MITF: variants seen among roughly 807,000 people sequenced by gnomAD.
MITF encodes microphthalmia-associated transcription factor.
Under a neutral mutation model 60.5 loss-of-function variants are expected in MITF, and 17 were observed. That is an observed-to-expected ratio of 0.28 (90% CI 0.19 to 0.42). The LOEUF (loss-of-function observed/expected upper bound fraction) is 0.42, where lower values mean the gene tolerates loss of function less well. MITF is among the 10% of genes least tolerant of loss of function. MITF has a pLI of 1.00. For synonymous variants in MITF, 260 were observed against 248.5 expected (o/e 1.05, Z -0.43); for missense variants, 622 against 683.5 (o/e 0.91, Z 1.00).
intron 1 of MITF, among the ~76,000 whole-genome samples, chr3:69,862,065 A>T (rs1184359258): frequency 6.6e-6 from 1 of 151,152 alleles, no homozygotes; most frequent in Non-Finnish European, 1.5e-5. Context: ...TATATATATT[A>T]TAATGTTATA....
At position 69,956,485 on chromosome 3, in the gene MITF, A is replaced by G. The variant is rs141077757; in HGVS notation, c.986A>G (p.Asp329Gly). Residue 329 changes from aspartate (D) to glycine (G), a missense_variant, in exon 8 of 10, where the codon GAC becomes GGC. Around this residue, in one of 5 missense-constraint regions of MITF, gnomAD observed 31 missense variants for 74.8 expected, o/e 0.41. Transcript: ENST00000352241. ...CGAAGAAGAAGATTTAACATAAATG[A>G]CCGCATTAAAGAACTAGGTACTTTG... is the stretch of plus-strand genomic sequence containing the variant. ...IERRRRFNIN[D>G]RIKELGTLIP... The G allele has an allele frequency of 5.6e-6, 9 of 1,613,690 alleles. No individual in the cohort carries two copies. Among genetic ancestry groups the G allele is most frequent in the African/African-American group, 2.7e-5 (2 of 74,908 alleles).
chr3:69,907,860 A>G (rs2065134324), intron 2 of MITF, among the ~76,000 whole-genome samples: 1 of 152,204 alleles, frequency 6.6e-6, no homozygotes, highest in East Asian at 1.9e-4. Flanking sequence ...AGAAAATCAT[A>G]TTCTGCTGGG....
intron 1 of MITF, among the ~76,000 whole-genome samples, chr3:69,876,876 T>C (rs1325575427): frequency 2.6e-5 from 4 of 152,190 alleles, no homozygotes; most frequent in African/African-American, 9.6e-5. Context: ...TAAATTAGTG[T>C]CTAGAGGCAT....
intron 9 of MITF, among the ~76,000 whole-genome samples, chr3:69,961,823 T>C (rs1197741907): frequency 6.6e-6 from 1 of 152,242 alleles, no homozygotes; most frequent in African/African-American, 2.4e-5. Flanking sequence ...TAGGTTTTGT[T>C]TTATTTTAGG....
At chr3:69,849,222 C>T (rs1267040368) in intron 1 of MITF, among the ~76,000 whole-genome samples, 6 of 151,968 alleles carry the variant, frequency 3.9e-5, no homozygotes, top group African/African-American at 1.5e-4. Context: ...CCTCGGCCTC[C>T]CAAAGTGCTG....
intron 2 of MITF, among the ~76,000 whole-genome samples, chr3:69,899,154 A>G (rs1451144729): frequency 6.6e-6 from 1 of 152,206 alleles, no homozygotes; most frequent in African/African-American, 2.4e-5. Context: ...TGAAGGAAGC[A>G]TAGGTGTGAG....
chr3:69,933,845 A>T (rs1369399965), intron 2 of MITF, among the ~76,000 whole-genome samples: 2 of 152,192 alleles, frequency 1.3e-5, no homozygotes, highest in Non-Finnish European at 2.9e-5. Flanking sequence ...TCATTTGCAT[A>T]CTTCTTTGGC....
intron 1 of MITF, among the ~76,000 whole-genome samples, chr3:69,812,627 AAT>A (rs1187482162): frequency 6.6e-6 from 1 of 152,152 alleles, no homozygotes; most frequent in Non-Finnish European, 1.5e-5. Flanking sequence ...CAGTTTTTCA[AAT>A]ATATATTTTT....
chr3:69,889,849 C>T (rs2107314742), intron 2 of MITF, among the ~76,000 whole-genome samples: 1 of 152,190 alleles, frequency 6.6e-6, no homozygotes. Context: ...AAAGTTCAGT[C>T]TGAATGAGTC....
chr3:69,960,061 C>T (rs1277304847), intron 9 of MITF, among the ~76,000 whole-genome samples: 1 of 152,060 alleles, frequency 6.6e-6, no homozygotes, highest in Non-Finnish European at 1.5e-5. Flanking sequence ...TTGTAATTCC[C>T]CTGGGAACAG....
chr3:69,864,322 G>A (rs1199765850), intron 1 of MITF, among the ~76,000 whole-genome samples: 2 of 152,158 alleles, frequency 1.3e-5, no homozygotes, highest in African/African-American at 2.4e-5. Context: ...AGGTGGGATA[G>A]GTTAGTAAGA....
At chr3:69,869,887 C>A (rs1303234634) in intron 1 of MITF, among the ~76,000 whole-genome samples, 2 of 152,014 alleles carry the variant, frequency 1.3e-5, no homozygotes, top group African/African-American at 4.8e-5. Flanking sequence ...CTTCACAATA[C>A]CTCTCACCCC....
intron 2 of MITF, among the ~76,000 whole-genome samples, chr3:69,883,865 G>A (rs1190866868): frequency 6.6e-6 from 1 of 152,132 alleles, no homozygotes; most frequent in Non-Finnish European, 1.5e-5. Flanking sequence ...GACCCTTGTA[G>A]TTTGACTTAC....
At chr3:69,743,679 G>T (rs1703616395) in intron 1 of MITF, among the ~76,000 whole-genome samples, 1 of 152,176 alleles carries the variant, frequency 6.6e-6, no homozygotes, top group South Asian at 2.1e-4. Context: ...GAAACCTTGT[G>T]TTCTCCTGGG....
At chr3:69,938,906 T>C (rs113086381) in intron 3 of MITF, 192 bp from the exon 4 acceptor site, 4 of 1,465,232 alleles carry the variant, frequency 2.7e-6, no homozygotes, top group East Asian at 2.5e-5. Flanking sequence ...TATTTTTCTC[T>C]ACCCAAATTT....
chr3:69,753,195 G>C (rs1202075260), intron 1 of MITF, among the ~76,000 whole-genome samples: 5 of 152,186 alleles, frequency 3.3e-5, no homozygotes, highest in Non-Finnish European at 4.4e-5. Flanking sequence ...AGAGGCCCAG[G>C]TTACACTCAG....
At chr3:69,934,351 C>T (rs1295276347) in intron 2 of MITF, among the ~76,000 whole-genome samples, 1 of 152,078 alleles carries the variant, frequency 6.6e-6, no homozygotes, top group African/African-American at 2.4e-5. Context: ...AATGTATAAT[C>T]GTGTGTTTTC....
chr3:69,755,553 GT>G (rs1377503096), intron 1 of MITF, among the ~76,000 whole-genome samples: 1 of 133,160 alleles, frequency 7.5e-6, no homozygotes. Flanking sequence ...GAATATGATA[GT>G]TTGCTTTTCT....
intron 1 of MITF, among the ~76,000 whole-genome samples, chr3:69,848,171 A>G (rs1037533470): frequency 4.6e-5 from 7 of 152,242 alleles, no homozygotes; most frequent in African/African-American, 1.7e-4. Flanking sequence ...AATTGTTGGA[A>G]TCCTATGCTT....
Sources: gnomAD v4.1 joint callset for allele counts (sites outside exome capture counted in the v4.1 genomes callset) on GRCh38, gnomAD v4.1.1 for gene constraint, gnomAD v4.1.1 regional missense constraint, MANE v1.5 for transcripts, NCBI Gene and HGNC (gene_info 2026-07-23, HGNC 2026-07-21) for gene names.